ZNF536: variants seen among roughly 807,000 people sequenced by gnomAD.
ZNF536 encodes zinc finger protein 536.
ZNF536 carries 13 observed loss-of-function variants against 84.5 expected under a neutral mutation model. That is an observed-to-expected ratio of 0.15 (90% CI 0.10 to 0.24). ZNF536 has a LOEUF of 0.24. ZNF536 is among the 10% of genes least tolerant of loss of function. The pLI is 1.00. For missense variants in ZNF536, 1,536 were observed against 1,747.5 expected, an observed-to-expected ratio of 0.88 and a Z score of 2.16; for synonymous variants, 811 against 742.5, an observed-to-expected ratio of 1.09 and a Z score of -1.50.
chr19:30,226,019 G>A (rs1270705503), upstream of ZNF536, among the ~76,000 whole-genome samples: 1 of 151,816 alleles, frequency 6.6e-6, no homozygotes, highest in Non-Finnish European at 1.5e-5. The surrounding 1 kb of genome is among the most constrained non-coding windows in gnomAD (Gnocchi z 4.6). Flanking sequence ...GAACTTCGGC[G>A]GCGAGCGGGA....
intron 1 of ZNF536, among the ~76,000 whole-genome samples, chr19:30,630,413 GT>G (rs2048846210): frequency 6.6e-6 from 1 of 152,068 alleles, no homozygotes; most frequent in Admixed American, 6.5e-5. Context: ...GTGTGTGTGT[GT>G]GTGTGTGTGT....
chr19:30,251,649 T>C (rs1009854522), intron 1 of ZNF536, among the ~76,000 whole-genome samples: 1 of 152,200 alleles, frequency 6.6e-6, no homozygotes, highest in African/African-American at 2.4e-5. Flanking sequence ...AGTTGTTTAG[T>C]GGTGATTTGT....
At chr19:30,456,068 T>A (rs1402713292) in intron 2 of ZNF536, among the ~76,000 whole-genome samples, 4 of 152,230 alleles carry the variant, frequency 2.6e-5, no homozygotes, top group South Asian at 2.1e-4. Flanking sequence ...AGTGTGATGG[T>A]ATTTCAATAA....
At chr19:30,318,197 T>A (rs963688803) in intron 2 of ZNF536, among the ~76,000 whole-genome samples, 4 of 152,230 alleles carry the variant, frequency 2.6e-5, no homozygotes, top group Admixed American at 1.3e-4. Flanking sequence ...CTCCCAACAC[T>A]GCATGAGGTT....
At chr19:30,367,815 A>G (rs2048485626), upstream of ZNF536, among the ~76,000 whole-genome samples, 1 of 152,040 alleles carries the variant, frequency 6.6e-6, no homozygotes, top group African/African-American at 2.4e-5. Flanking sequence ...AGAGCCTTGC[A>G]CTTCACCGTC....
At chr19:30,622,814 G>T (rs989500397) in intron 1 of ZNF536, among the ~76,000 whole-genome samples, 62 of 152,152 alleles carry the variant, frequency 4.1e-4, no homozygotes, top group African/African-American at 1.5e-3. Context: ...CTCACCACCT[G>T]CAGGCCACCT....
intron 1 of ZNF536, among the ~76,000 whole-genome samples, chr19:30,671,064 C>T (rs1353611433): frequency 6.6e-6 from 1 of 152,202 alleles, no homozygotes; most frequent in Admixed American, 6.5e-5. Flanking sequence ...TCAATGCACG[C>T]ACGTGCTTCT....
Position 30,516,475 on chromosome 19 carries a change from TCTAAAGTGTTTTC to T in ZNF536, c.2171-18371_2171-18359del, listed in dbSNP as rs2044077912. Among the ~76,000 whole-genome samples, 3 of 152,298 alleles carry T rather than the reference TCTAAAGTGTTTTC, an allele frequency of 2.0e-5. No homozygotes were observed. In the South Asian group the frequency reaches 6.2e-4, roughly 32 times the overall value. ...TAAGTGAGACAATGAGGCCAGAAAG[TCTAAAGTGTTTTC>T]TGTCACTTGGTCAGATCTTTCTTTC... On this transcript the variant is annotated intron_variant, in intron 2 of 4. Coordinates refer to ENST00000355537, the MANE Select transcript of ZNF536 (RefSeq NM_014717.3).
intron 1 of ZNF536, among the ~76,000 whole-genome samples, chr19:30,274,593 A>G (rs773974360): frequency 6.6e-6 from 1 of 152,206 alleles, no homozygotes; most frequent in African/African-American, 2.4e-5. Flanking sequence ...TGATGGCAGA[A>G]TGTATCTTTT....
chr19:30,615,093 C>T (rs1266497469), intron 1 of ZNF536, among the ~76,000 whole-genome samples: 3 of 146,726 alleles, frequency 2.0e-5, no homozygotes, highest in East Asian at 2.0e-4. Flanking sequence ...ACTACAGGTG[C>T]GCGCCACCAT....
chr19:30,383,977 A>C (rs1179838575), intron 1 of ZNF536, among the ~76,000 whole-genome samples: 2 of 55,614 alleles, frequency 3.6e-5, no homozygotes, highest in Non-Finnish European at 6.4e-5. Flanking sequence ...TCCTTCTTCC[A>C]CTCTGCCAGC....
chr19:30,553,011 T>G (rs1255714759), intron 4 of ZNF536, among the ~76,000 whole-genome samples: 2 of 152,160 alleles, frequency 1.3e-5, no homozygotes, highest in Admixed American at 6.5e-5. Flanking sequence ...AATCAAATCC[T>G]TAGTTTCTTG....
At chr19:30,583,808 G>C (rs78180449) in intron 1 of ZNF536, among the ~76,000 whole-genome samples, 1 of 152,174 alleles carries the variant, frequency 6.6e-6, no homozygotes, top group African/African-American at 2.4e-5. Context: ...ATGAATGGAT[G>C]AACAAATGAA....
chr19:30,628,535 T>C (rs1179310089), intron 1 of ZNF536, among the ~76,000 whole-genome samples: 2 of 150,402 alleles, frequency 1.3e-5, no homozygotes, highest in African/African-American at 4.9e-5. Context: ...TTCACGCCAT[T>C]CTCCTGCCTC....
intron 2 of ZNF536, among the ~76,000 whole-genome samples, chr19:30,449,096 G>A (rs2052482568): frequency 6.6e-6 from 1 of 152,108 alleles, no homozygotes; most frequent in Non-Finnish European, 1.5e-5. Context: ...CAAATTGAGA[G>A]GTCATATTTT....
At chr19:30,497,005 A>C (rs1363250640) in intron 2 of ZNF536, among the ~76,000 whole-genome samples, 1 of 152,150 alleles carries the variant, frequency 6.6e-6, no homozygotes, top group Non-Finnish European at 1.5e-5. Flanking sequence ...TTGGCTCAGC[A>C]GTGTGATGCT....
At chr19:30,549,830 G>T (rs993743425) in intron 4 of ZNF536, among the ~76,000 whole-genome samples, 1 of 152,076 alleles carries the variant, frequency 6.6e-6, no homozygotes, top group South Asian at 2.1e-4. Context: ...GGGGAAAATC[G>T]ACTTACAAAA....
At chr19:30,383,052 G>A (rs1259973250) in intron 1 of ZNF536, among the ~76,000 whole-genome samples, 1 of 152,184 alleles carries the variant, frequency 6.6e-6, no homozygotes, top group Non-Finnish European at 1.5e-5. Context: ...CACTTTGGAA[G>A]GTCAAGGTGG....
intron 1 of ZNF536, among the ~76,000 whole-genome samples, chr19:30,242,687 A>AG (rs1393036928): frequency 6.6e-6 from 1 of 152,190 alleles, no homozygotes; most frequent in Admixed American, 6.5e-5. Context: ...CTTTCGAGAG[A>AG]GGGACAGGTT....
Sources: gnomAD v4.1 joint callset for allele counts (sites outside exome capture counted in the v4.1 genomes callset) on GRCh38, gnomAD v4.1.1 for gene constraint, Gnocchi (gnomAD v3.1) non-coding constraint, MANE v1.5 for transcripts, NCBI Gene and HGNC (gene_info 2026-07-23, HGNC 2026-07-21) for gene names.